Variants in ERCC4 observed in about 807,000 individuals in gnomAD.
ERCC4 encodes the protein ERCC excision repair 4, endonuclease catalytic subunit.
Under a neutral mutation model 76.9 loss-of-function variants are expected in ERCC4, and 65 were observed. That is an observed-to-expected ratio of 0.84 (90% confidence interval 0.69 to 1.04). ERCC4 has a LOEUF of 1.04. ERCC4 is among the 50% of genes least tolerant of loss of function. The pLI is 0.00. For missense variants in ERCC4, 1,214 were observed against 1,128.2 expected, an observed-to-expected ratio of 1.08 and a Z score of -1.09; for synonymous variants, 463 against 410.1, an observed-to-expected ratio of 1.13 and a Z score of -1.56.
In ERCC4 at chr16:13,951,695, A is replaced by AT. The variant is rs2141625180; in HGVS notation, c.*3348_*3349insT. 1 of 219,560 alleles carries AT rather than the reference A, an allele frequency of 4.6e-6. No individual in the cohort carries two copies. The highest frequency in any genetic ancestry group is 1.8e-4 in the South Asian group (1 of 5,408). The allele number at this position is 219,560 out of a possible 1,614,324, so 13.6% of individuals were successfully genotyped here. ...TGAAACCCCACAATATAGAATTAAT[A>AT]AATGGCCTTCAGTAGGAAAACCTAC... On this transcript the variant is annotated 3_prime_UTR_variant, in exon 11 of 11. Transcript: ENST00000311895.
intron 1 of ERCC4, among the ~76,000 whole-genome samples, chr16:13,920,957 G>A (rs1360056535): frequency 6.6e-6 from 1 of 152,218 alleles, no homozygotes; most frequent in East Asian, 1.9e-4. Context: ...AGGTGAAGGG[G>A]CTCTGAGTGG....
chr16:13,945,529 G>A (rs920550865), intron 10 of ERCC4, among the ~76,000 whole-genome samples: 2 of 152,176 alleles, frequency 1.3e-5, no homozygotes, highest in Non-Finnish European at 2.9e-5. Flanking sequence ...CTTCGGTGAG[G>A]CCAAGTACAG....
chr16:13,933,687 G>C (rs1485042301), intron 6 of ERCC4: 1 of 153,058 alleles, frequency 6.5e-6, no homozygotes. Flanking sequence ...AGCCTGGGCA[G>C]TAAGAGTGAA....
In ERCC4 at chr16:13,932,255, T is replaced by A. The variant is rs1567246081; in HGVS notation, c.1072T>A (p.Ser358Thr). 1 of 1,611,094 alleles carries A rather than the reference T, an allele frequency of 6.2e-7. No individual in the cohort carries two copies. The highest frequency in any genetic ancestry group is 1.3e-5 in the African/African-American group (1 of 74,898). ...CAAAATGAGTAAAAAAGAAAAAATA[T>A]CTGAAAAAATGGAAATTAAAGAAGG... ...DAKMSKKEKI[S>T]EKMEIKEGEE... The change falls in exon 6 of 11, where the codon TCT becomes ACT. Residue 358 changes from serine (S) to threonine (T), a missense_variant. Transcript: ENST00000311895.
At chr16:13,923,810 T>C (rs1255814977) in intron 2 of ERCC4, among the ~76,000 whole-genome samples, 1 of 152,250 alleles carries the variant, frequency 6.6e-6, no homozygotes, top group Admixed American at 6.5e-5. Context: ...AGTCTTTTAC[T>C]GTTTGCTGCT....
rs2032585304 is a variant in ERCC4 at position 13,949,273 on chromosome 16, TTCC to T, written c.*929_*931del. 1 of 233,616 alleles carries T rather than the reference TTCC, an allele frequency of 4.3e-6. No homozygotes were observed. The highest frequency in any genetic ancestry group is 6.0e-5 in the East Asian group (1 of 16,656). 14.5% of individuals were successfully genotyped at this position (233,616 alleles called of 1,614,324 possible). A position where few individuals can be genotyped will look rare whatever the true frequency, so the allele number is the denominator to read the frequency against. ...GGCTAGTTACAGAGTTTTTTCAGAC[TTCC>T]TCGTTTCTCAGCTCTTATATCCTAA... On this transcript the variant is annotated 3_prime_UTR_variant, in exon 11 of 11. Coordinates refer to ENST00000311895, the MANE Select transcript of ERCC4 (RefSeq NM_005236.3).
At chr16:13,924,706 C>T (rs752400824) in intron 2 of ERCC4, among the ~76,000 whole-genome samples, 1 of 152,192 alleles carries the variant, frequency 6.6e-6, no homozygotes, top group Non-Finnish European at 1.5e-5. Context: ...TAGTACCTTC[C>T]TCCTAGGATT....
intron 3 of ERCC4, among the ~76,000 whole-genome samples, chr16:13,927,239 T>G (rs1161342756): frequency 1.3e-5 from 2 of 152,226 alleles, no homozygotes; most frequent in Non-Finnish European, 2.9e-5. Flanking sequence ...CTACCATGTA[T>G]TTTGGTTATA....
chr16:13,928,876 A>G (rs1363746447), intron 4 of ERCC4, among the ~76,000 whole-genome samples: 1 of 152,178 alleles, frequency 6.6e-6, no homozygotes, highest in Non-Finnish European at 1.5e-5. Context: ...CCTTTTTGTC[A>G]TATTCTGGTA....
intron 9 of ERCC4, among the ~76,000 whole-genome samples, chr16:13,942,022 C>G (rs888399845): frequency 2.4e-4 from 36 of 152,226 alleles, no homozygotes; most frequent in African/African-American, 8.4e-4. Context: ...AGCTCAAGAC[C>G]ACCATGGGCA....
intron 1 of ERCC4, 63 bp from the exon 2 acceptor site, chr16:13,921,968 C>T (rs2031984726): frequency 1.0e-6 from 1 of 962,456 alleles, no homozygotes; most frequent in Non-Finnish European, 1.7e-6. Context: ...TTTTAAATAT[C>T]TGTGACCTAT....
intron 2 of ERCC4, chr16:13,922,448 C>T (rs1010317482): frequency 1.5e-5 from 11 of 758,122 alleles, no homozygotes; most frequent in South Asian, 1.3e-4. Context: ...TTGTGAATTG[C>T]ACAACTCACA....
At chr16:13,929,570 A>ATT (rs2032133450) in intron 4 of ERCC4, among the ~76,000 whole-genome samples, 2 of 152,246 alleles carry the variant, frequency 1.3e-5, no homozygotes, top group African/African-American at 4.8e-5. Flanking sequence ...TAACAGAATC[A>ATT]GTCTGTGAAG....
chr16:13,923,436 G>A (rs564397026), intron 2 of ERCC4, among the ~76,000 whole-genome samples: 64 of 152,250 alleles, frequency 4.2e-4, no homozygotes, highest in African/African-American at 1.4e-3. Flanking sequence ...TATTCCCACT[G>A]TATCTGTCAT....
chr16:13,922,028 T>C lies in ERCC4; in HGVS notation c.208-3T>C, dbSNP rs773956647. On this transcript the variant is annotated splice_region_variant and splice_polypyrimidine_tract_variant and intron_variant, in intron 1 of 10. Coordinates refer to ENST00000311895, the MANE Select transcript of ERCC4 (RefSeq NM_005236.3). ...CCTACTAATCAAGTTTGATTTGATT[T>C]AGGAGTATTTTATCAATCAGCTGAA... The C allele has an allele frequency of 1.2e-6, 2 of 1,610,634 alleles. No homozygotes were observed. The highest frequency in any genetic ancestry group is 1.7e-6 in the Non-Finnish European group (2 of 1,176,934).
intron 7 of ERCC4, 39 bp from the exon 8 acceptor site, chr16:13,935,104 CAAG>C: frequency 1.4e-6 from 2 of 1,434,126 alleles, no homozygotes; most frequent in Non-Finnish European, 2.0e-6. Flanking sequence ...ACTAGGAGGA[CAAG>C]TGAGGTAATA....
chr16:13,935,210 T>G lies in ERCC4; in HGVS notation c.1278T>G (p.Leu426=). Residue 426 remains leucine (L), a synonymous_variant, in exon 8 of 11, where the codon CTT becomes CTG. Coordinates refer to ENST00000311895, the MANE Select transcript of ERCC4 (RefSeq NM_005236.3). ...CCCAGCTGAGAGACTATATCACTCT[T>G]GGAGCGGAGGCCTTCTTATTGAGGC... ...TCSQLRDYIT[L]GAEAFLLRLY... The G allele has an allele frequency of 6.2e-7, 1 of 1,614,164 alleles. No individual in the cohort carries two copies. Among genetic ancestry groups the G allele is most frequent in the South Asian group, 1.1e-5 (1 of 91,086 alleles).
intron 8 of ERCC4, among the ~76,000 whole-genome samples, chr16:13,937,086 A>ATTTTTTTTTTTTT (rs71150154): frequency 3.2e-4 from 41 of 128,714 alleles, no homozygotes; most frequent in Non-Finnish European, 5.1e-4. Flanking sequence ...TGCTCAACTA[A>ATTTTTTTTTTTTT]TTTTTTTTTT....
At chr16:13,926,796 G>C (rs1401992322) in intron 3 of ERCC4, 40 bp downstream of exon 3, 1 of 1,471,928 alleles carries the variant, frequency 6.8e-7, no homozygotes. Flanking sequence ...GACATTATTT[G>C]TCATCTTTGT....
Sources: allele counts gnomAD v4.1 joint callset (sites outside exome capture counted in the v4.1 genomes callset), GRCh38; gene constraint gnomAD v4.1.1; transcripts MANE v1.5; gene names NCBI Gene and HGNC (gene_info 2026-07-23, HGNC 2026-07-21).